Variants in SORCS1 observed in about 807,000 individuals in gnomAD.
SORCS1 encodes VPS10 domain-containing receptor SorCS1.
In SORCS1, 60 loss-of-function variants were observed where a neutral mutation model predicts 146.1. The observed-to-expected ratio is 0.41, with a 90% CI of 0.33 to 0.51. The LOEUF is 0.51. Ranked by LOEUF, SORCS1 falls within the 20% of genes least tolerant of loss-of-function variation. SORCS1 has a pLI of 0.21. For missense variants in SORCS1, 1,352 were observed against 1,487.6 expected, an observed-to-expected ratio of 0.91 and a Z score of 1.50; for synonymous variants, 637 against 584.0, an observed-to-expected ratio of 1.09 and a Z score of -1.31.
chr10:106,712,126 A>T (rs769241132), intron 6 of SORCS1, among the ~76,000 whole-genome samples: 4 of 152,252 alleles, frequency 2.6e-5, no homozygotes, highest in Non-Finnish European at 5.9e-5. Flanking sequence ...TTGCTAAGGA[A>T]GAAGACTTGA....
intron 4 of SORCS1, among the ~76,000 whole-genome samples, chr10:106,770,242 TTC>T (rs1312879178): frequency 6.6e-6 from 1 of 152,232 alleles, no homozygotes; most frequent in African/African-American, 2.4e-5. Flanking sequence ...CCTTAGGATT[TTC>T]TGTTTATTTC....
chr10:106,858,607 CAA>C (rs71482495), intron 2 of SORCS1, among the ~76,000 whole-genome samples: 11 of 81,128 alleles, frequency 1.4e-4, no homozygotes, highest in Admixed American at 2.9e-4. Flanking sequence ...GCCTCTGTCT[CAA>C]AAAAAAAAAA....
At chr10:107,165,319 G>A (rs1970016747), upstream of SORCS1, among the ~76,000 whole-genome samples, 2 of 151,686 alleles carry the variant, frequency 1.3e-5, no homozygotes, top group Admixed American at 1.3e-4. The surrounding 1 kb of genome is among the most constrained non-coding windows in gnomAD (Gnocchi z 4.0). Context: ...GTGTGTGTGT[G>A]TGTTAGTTTG....
intron 1 of SORCS1, among the ~76,000 whole-genome samples, chr10:107,013,542 G>A (rs190569680): frequency 6.6e-6 from 1 of 152,190 alleles, no homozygotes; most frequent in African/African-American, 2.4e-5. Flanking sequence ...CCTTCCTGCA[G>A]TATCAGTAGG....
chr10:107,095,557 T>C (rs1260610608), intron 1 of SORCS1, among the ~76,000 whole-genome samples: 3 of 152,206 alleles, frequency 2.0e-5, no homozygotes, highest in African/African-American at 7.2e-5. Flanking sequence ...GTAAGATACA[T>C]TCAAGTGGCA....
intron 9 of SORCS1, among the ~76,000 whole-genome samples, chr10:106,689,776 A>G (rs2135654496): frequency 6.6e-6 from 1 of 152,352 alleles, no homozygotes; most frequent in South Asian, 2.1e-4. Flanking sequence ...GATTGTTTCA[A>G]CAAATACAGC....
At chr10:107,026,586 C>G (rs1224280482) in intron 1 of SORCS1, among the ~76,000 whole-genome samples, 2 of 151,496 alleles carry the variant, frequency 1.3e-5, no homozygotes, top group Non-Finnish European at 2.9e-5. Context: ...CCACCACACT[C>G]CAGCCTGGGC....
intron 3 of SORCS1, among the ~76,000 whole-genome samples, chr10:106,786,363 G>A (rs989500854): frequency 6.6e-6 from 1 of 152,076 alleles, no homozygotes; most frequent in Non-Finnish European, 1.5e-5. Context: ...TATCTGGTTG[G>A]ACCTCTCCCT....
chr10:107,015,442 G>A (rs772977374), intron 1 of SORCS1, among the ~76,000 whole-genome samples: 2 of 152,158 alleles, frequency 1.3e-5, no homozygotes, highest in African/African-American at 4.8e-5. Context: ...AGAGATGAGG[G>A]AGTTAGGCAT....
chr10:106,766,719 A>C (rs1859602228), intron 4 of SORCS1, among the ~76,000 whole-genome samples: 1 of 152,182 alleles, frequency 6.6e-6, no homozygotes, highest in Non-Finnish European at 1.5e-5. Context: ...ACCCTGCCCC[A>C]ATAGATTTAA....
chr10:106,752,852 G>C (rs902329663), intron 5 of SORCS1, among the ~76,000 whole-genome samples: 3 of 152,006 alleles, frequency 2.0e-5, no homozygotes, highest in African/African-American at 7.3e-5. Flanking sequence ...TTTAAGAAGA[G>C]GTAAGACAGC....
chr10:106,625,108 T>C (rs1418439072), intron 19 of SORCS1, among the ~76,000 whole-genome samples: 1 of 152,210 alleles, frequency 6.6e-6, no homozygotes, highest in Non-Finnish European at 1.5e-5. Flanking sequence ...TGGGGAATTG[T>C]GTGAACTGGG....
intron 2 of SORCS1, among the ~76,000 whole-genome samples, chr10:106,877,040 G>A (rs1950612051): frequency 6.6e-6 from 1 of 152,162 alleles, no homozygotes; most frequent in Non-Finnish European, 1.5e-5. Flanking sequence ...TAATGATTCT[G>A]ATAATTATGA....
chr10:106,579,518 G>C, intron 24 of SORCS1, 44 bp from the exon 25 acceptor site: 1 of 1,598,078 alleles, frequency 6.3e-7, no homozygotes, highest in Non-Finnish European at 8.6e-7. Context: ...AGAGAACTGG[G>C]CAGGTGAGAC....
At chr10:107,036,873 ATCC>A (rs758951256) in intron 1 of SORCS1, among the ~76,000 whole-genome samples, 12 of 152,256 alleles carry the variant, frequency 7.9e-5, no homozygotes, top group Non-Finnish European at 1.5e-4. Context: ...TGCTATAATC[ATCC>A]TCCTTATCGT....
At chr10:106,821,111 A>G (rs750755604) in intron 3 of SORCS1, among the ~76,000 whole-genome samples, 13 of 152,226 alleles carry the variant, frequency 8.5e-5, no homozygotes, top group Non-Finnish European at 1.6e-4. Context: ...TCAGCTTCCA[A>G]AAGGTTTCCT....
chr10:106,999,365 A>G (rs1488824698), intron 1 of SORCS1, among the ~76,000 whole-genome samples: 1 of 152,230 alleles, frequency 6.6e-6, no homozygotes, highest in African/African-American at 2.4e-5. Flanking sequence ...CTCATTTTCC[A>G]TCTTCTACTC....
intron 18 of SORCS1, among the ~76,000 whole-genome samples, chr10:106,650,306 G>A (rs1849763526): frequency 6.6e-6 from 1 of 152,100 alleles, no homozygotes. Context: ...GTTCTAATTT[G>A]GGTTTGCCTT....
chr10:106,769,658 T>A (rs539698646), intron 4 of SORCS1, among the ~76,000 whole-genome samples: 5 of 152,348 alleles, frequency 3.3e-5, no homozygotes, highest in African/African-American at 9.6e-5. Flanking sequence ...AGTTCTTTTT[T>A]AATAAAATTC....
Sources: allele counts gnomAD v4.1 joint callset (sites outside exome capture counted in the v4.1 genomes callset), GRCh38; gene constraint gnomAD v4.1.1; non-coding constraint Gnocchi (gnomAD v3.1); transcripts MANE v1.5; gene names NCBI Gene and HGNC (gene_info 2026-07-23, HGNC 2026-07-21).